CHRM5: variants seen among roughly 807,000 people sequenced by gnomAD.
CHRM5 encodes cholinergic receptor muscarinic 5, also known as muscarinic acetylcholine receptor M5.
A neutral mutation model predicts 39.0 loss-of-function variants in CHRM5; 18 were observed. The ratio of observed to expected loss-of-function variants is 0.46; its 90% CI spans 0.32 to 0.68. The LOEUF (loss-of-function observed/expected upper bound fraction) is 0.68. Among genes scored for constraint, CHRM5 ranks in the 30% least tolerant of loss-of-function variants. The probability of loss-of-function intolerance (pLI) is 0.04; values close to 1 mark genes in which losing one functional copy is unlikely to be tolerated. For synonymous variants in CHRM5, 241 were observed against 246.3 expected (o/e 0.98, Z 0.20); for missense variants, 515 against 651.1 (o/e 0.79, Z 2.28).
chr15:34,025,672 G>C (rs916971003), intron 1 of CHRM5, among the ~76,000 whole-genome samples: 2 of 152,122 alleles, frequency 1.3e-5, no homozygotes, highest in African/African-American at 4.8e-5. Flanking sequence ...AAGTGTTTAG[G>C]GGTAAAGACG....
intron 1 of CHRM5, among the ~76,000 whole-genome samples, chr15:34,022,885 C>G (rs1055876174): frequency 2.0e-5 from 3 of 152,176 alleles, no homozygotes; most frequent in African/African-American, 7.2e-5. Context: ...TGGCTCAAAG[C>G]CAGATAGAAA....
At chr15:33,988,085 G>A (rs1002847149) in intron 1 of CHRM5, among the ~76,000 whole-genome samples, 3 of 152,200 alleles carry the variant, frequency 2.0e-5, no homozygotes, top group Non-Finnish European at 2.9e-5. Context: ...CCCAAGCCTT[G>A]GGGCTTCTGT....
intron 1 of CHRM5, among the ~76,000 whole-genome samples, chr15:33,985,058 T>C (rs1246248202): frequency 6.6e-6 from 1 of 152,080 alleles, no homozygotes; most frequent in East Asian, 1.9e-4. Flanking sequence ...CAGCACTCTG[T>C]ACCTGTCACA....
chr15:33,986,680 A>G (rs544003), intron 1 of CHRM5, among the ~76,000 whole-genome samples: 142,998 of 152,066 alleles, frequency 0.94, 67,843 homozygotes, highest in East Asian at 1. Context: ...TTTTTGAGAC[A>G]GAGTCTCACT....
At chr15:34,040,969 G>A (rs1899450753) in intron 1 of CHRM5, among the ~76,000 whole-genome samples, 1 of 151,974 alleles carries the variant, frequency 6.6e-6, no homozygotes, top group Non-Finnish European at 1.5e-5. Context: ...GTGGGGAAGG[G>A]GCATGGAAGA....
chr15:34,029,995 T>C (rs1296324184), intron 1 of CHRM5, among the ~76,000 whole-genome samples: 1 of 152,142 alleles, frequency 6.6e-6, no homozygotes, highest in Non-Finnish European at 1.5e-5. Context: ...GACTCACACT[T>C]GTAATCCCAG....
At chr15:34,047,780 AC>A (rs1899765789) in intron 2 of CHRM5, among the ~76,000 whole-genome samples, 8 of 149,608 alleles carry the variant, frequency 5.3e-5, no homozygotes, top group Admixed American at 5.3e-4. Flanking sequence ...AGATAGTCTC[AC>A]TTTGTCACCC....
intron 1 of CHRM5, among the ~76,000 whole-genome samples, chr15:33,974,504 T>C (rs539183856): frequency 6.6e-6 from 1 of 152,322 alleles, no homozygotes; most frequent in East Asian, 1.9e-4. Context: ...TCAACCCCTA[T>C]GATAGAAATT....
At chr15:34,010,909 A>T (rs1235274972) in intron 1 of CHRM5, among the ~76,000 whole-genome samples, 4 of 152,226 alleles carry the variant, frequency 2.6e-5, no homozygotes, top group Non-Finnish European at 5.9e-5. Context: ...TTATATAATC[A>T]TTTGGACCAT....
At chr15:34,011,092 C>T (rs1254671368) in intron 1 of CHRM5, among the ~76,000 whole-genome samples, 2 of 152,008 alleles carry the variant, frequency 1.3e-5, no homozygotes, top group Non-Finnish European at 2.9e-5. Context: ...TTTGGGAGGC[C>T]TAGGCAAGAG....
At chr15:34,021,429 G>C (rs528168228) in intron 1 of CHRM5, among the ~76,000 whole-genome samples, 1 of 152,034 alleles carries the variant, frequency 6.6e-6, no homozygotes, top group Admixed American at 6.5e-5. Flanking sequence ...GGGATTTCAG[G>C]CACACACCAC....
chr15:34,054,789 G>A lies in CHRM5; in HGVS notation c.-75-7854G>A, dbSNP rs146691160. Among the ~76,000 whole-genome samples, 669 of 152,266 alleles carry A rather than the reference G, an allele frequency of 4.4e-3. 3 individuals carry two copies. Among genetic ancestry groups the A allele is most frequent in the South Asian group, 0.015 (73 of 4,828 alleles). On this transcript the variant is annotated intron_variant, in intron 2 of 2. Coordinates refer to ENST00000383263, the MANE Select transcript of CHRM5 (RefSeq NM_012125.4). ...TGTGCAGCAAACCACCCTGGCACAC[G>A]TTTACCTATGTAACAAACCTGCACC...
intron 1 of CHRM5, among the ~76,000 whole-genome samples, chr15:34,025,747 T>A (rs928304748): frequency 6.6e-6 from 1 of 152,036 alleles, no homozygotes; most frequent in Non-Finnish European, 1.5e-5. Flanking sequence ...TTTGTTTTGG[T>A]TTGGTTTTGC....
At chr15:33,993,379 T>G (rs559164317) in intron 1 of CHRM5, among the ~76,000 whole-genome samples, 31 of 152,210 alleles carry the variant, frequency 2.0e-4, no homozygotes, top group Admixed American at 1.8e-3. Context: ...AAGTATGACT[T>G]TGAACAACCG....
chr15:33,984,283 G>A (rs1418019233), intron 1 of CHRM5, among the ~76,000 whole-genome samples: 1 of 151,926 alleles, frequency 6.6e-6, no homozygotes, highest in East Asian at 1.9e-4. Flanking sequence ...AAAAGTATTA[G>A]AAAATAAAAA....
chr15:34,049,290 A>G (rs539584), intron 2 of CHRM5, among the ~76,000 whole-genome samples: 99,025 of 151,986 alleles, frequency 0.65, 33,456 homozygotes, highest in South Asian at 0.78. Context: ...ACCCAATGCA[A>G]GGGAGCTATG....
chr15:34,048,584 C>T (rs779788180), intron 2 of CHRM5, among the ~76,000 whole-genome samples: 17 of 152,122 alleles, frequency 1.1e-4, no homozygotes, highest in Non-Finnish European at 2.1e-4. Context: ...GAGGGGCAGC[C>T]GCCATCTCTA....
chr15:33,981,666 C>T (rs1159796165), intron 1 of CHRM5, among the ~76,000 whole-genome samples: 1 of 152,160 alleles, frequency 6.6e-6, no homozygotes, highest in Admixed American at 6.5e-5. Flanking sequence ...AAGGAATTCA[C>T]ACTGCAGTTC....
At chr15:34,036,104 G>GTT (rs34150464) in intron 1 of CHRM5, among the ~76,000 whole-genome samples, 4 of 148,944 alleles carry the variant, frequency 2.7e-5, no homozygotes, top group Non-Finnish European at 4.5e-5. Flanking sequence ...CCAGTTTTGT[G>GTT]TTTTTTTTTT....
Sources: allele counts gnomAD v4.1 joint callset (sites outside exome capture counted in the v4.1 genomes callset), GRCh38; gene constraint gnomAD v4.1.1; transcripts MANE v1.5; gene names NCBI Gene and HGNC (gene_info 2026-07-23, HGNC 2026-07-21).